Variants in CNTNAP5 observed in about 807,000 individuals in gnomAD.
The protein encoded by CNTNAP5 is contactin-associated protein-like 5.
A neutral mutation model predicts 150.2 loss-of-function variants in CNTNAP5; 72 were observed. The ratio of observed to expected loss-of-function variants is 0.48; its 90% CI spans 0.40 to 0.58. The LOEUF (loss-of-function observed/expected upper bound fraction) is 0.58, where lower values mean the gene tolerates loss of function less well. CNTNAP5 is among the 20% of genes least tolerant of loss of function. CNTNAP5 has a pLI of 0.00. For synonymous variants in CNTNAP5, 672 were observed against 619.8 expected, an observed-to-expected ratio of 1.08 and a Z score of -1.25; for missense variants, 1,636 against 1,626.2, an observed-to-expected ratio of 1.01 and a Z score of -0.10.
At chr2:124,476,611 C>T (rs1239755496) in intron 7 of CNTNAP5, among the ~76,000 whole-genome samples, 1 of 152,096 alleles carries the variant, frequency 6.6e-6, no homozygotes, top group Admixed American at 6.6e-5. Context: ...CAGTTGATAC[C>T]ATAGGGAGAG....
chr2:124,855,332 C>G (rs1677348816), intron 19 of CNTNAP5, among the ~76,000 whole-genome samples: 1 of 151,992 alleles, frequency 6.6e-6, no homozygotes, highest in Non-Finnish European at 1.5e-5. Flanking sequence ...CATGTGCCAC[C>G]ACGCTCGGCT....
intron 11 of CNTNAP5, among the ~76,000 whole-genome samples, chr2:124,574,404 C>G (rs1279616736): frequency 6.6e-6 from 1 of 152,174 alleles, no homozygotes; most frequent in Non-Finnish European, 1.5e-5. Context: ...TCAATAGTTT[C>G]TATTTCTTAT....
At chr2:124,119,560 C>T (rs1199177992) in intron 1 of CNTNAP5, among the ~76,000 whole-genome samples, 4 of 152,020 alleles carry the variant, frequency 2.6e-5, no homozygotes. Flanking sequence ...TTGAGCAAAA[C>T]GAGCTCACCA....
intron 19 of CNTNAP5, among the ~76,000 whole-genome samples, chr2:124,850,814 A>T (rs1239652227): frequency 3.3e-5 from 5 of 152,222 alleles, no homozygotes; most frequent in African/African-American, 1.2e-4. Flanking sequence ...CATTTTAGAA[A>T]GAAAAGAATG....
At chr2:124,883,444 T>G (rs1200347691) in intron 21 of CNTNAP5, among the ~76,000 whole-genome samples, 1 of 152,002 alleles carries the variant, frequency 6.6e-6, no homozygotes, top group African/African-American at 2.4e-5. Flanking sequence ...GATAGGGGCT[T>G]TGGTCATGTG....
At chr2:124,334,799 T>C (rs1188813452) in intron 3 of CNTNAP5, among the ~76,000 whole-genome samples, 1 of 152,152 alleles carries the variant, frequency 6.6e-6, no homozygotes, top group Admixed American at 6.5e-5. Context: ...ATTGTGTAAT[T>C]GCATAATATG....
intron 19 of CNTNAP5, among the ~76,000 whole-genome samples, chr2:124,824,987 G>A (rs367930856): frequency 3.3e-5 from 5 of 152,022 alleles, no homozygotes; most frequent in Middle Eastern, 3.2e-3. Context: ...TCCTAAAAAC[G>A]GTAGACTTCT....
intron 1 of CNTNAP5, among the ~76,000 whole-genome samples, chr2:124,092,051 C>T (rs1186772477): frequency 6.6e-6 from 1 of 152,112 alleles, no homozygotes; most frequent in East Asian, 1.9e-4. Flanking sequence ...TTCTGGTGGC[C>T]CCTATCTTTT....
chr2:124,105,715 G>A (rs1236795200), intron 1 of CNTNAP5, among the ~76,000 whole-genome samples: 3 of 151,980 alleles, frequency 2.0e-5, no homozygotes, highest in East Asian at 1.9e-4. Context: ...TATTGTGGTA[G>A]TTTTGTTTTT....
chr2:124,475,621 A>G (rs1693621157), intron 7 of CNTNAP5, among the ~76,000 whole-genome samples: 1 of 151,446 alleles, frequency 6.6e-6, no homozygotes, highest in East Asian at 1.9e-4. Flanking sequence ...TGGTGGATTC[A>G]CTCTTTTATC....
intron 1 of CNTNAP5, among the ~76,000 whole-genome samples, chr2:124,105,353 T>C (rs1404109596): frequency 6.6e-6 from 1 of 152,206 alleles, no homozygotes; most frequent in African/African-American, 2.4e-5. Context: ...GTATAAGAAA[T>C]TTCTAGAAGT....
intron 1 of CNTNAP5, among the ~76,000 whole-genome samples, chr2:124,190,438 A>T (rs1178098897): frequency 6.6e-6 from 1 of 152,180 alleles, no homozygotes; most frequent in African/African-American, 2.4e-5. Context: ...TGAGGACTCA[A>T]CTGGCAGATT....
At chr2:124,227,633 C>CGTGTGTGTGTGTGTGTGT (rs760848365) in intron 2 of CNTNAP5, among the ~76,000 whole-genome samples, 1 of 122,020 alleles carries the variant, frequency 8.2e-6, no homozygotes, top group Non-Finnish European at 1.7e-5. Context: ...CTCAGCACAT[C>CGTGTGTGTGTGTGTGTGT]GTGTGTATGT....
intron 3 of CNTNAP5, among the ~76,000 whole-genome samples, chr2:124,398,676 T>TC (rs748500678): frequency 6.6e-6 from 1 of 152,076 alleles, no homozygotes; most frequent in African/African-American, 2.4e-5. Flanking sequence ...TTGTATTTTT[T>TC]CTCCATGTTG....
At chr2:124,909,085 T>C (rs2104766424) in intron 22 of CNTNAP5, among the ~76,000 whole-genome samples, 1 of 152,150 alleles carries the variant, frequency 6.6e-6, no homozygotes, top group Admixed American at 6.6e-5. Context: ...AAGAGTAAAG[T>C]GTTTATAAAG....
At chr2:124,201,417 C>T (rs1019078895) in intron 1 of CNTNAP5, among the ~76,000 whole-genome samples, 2 of 152,154 alleles carry the variant, frequency 1.3e-5, no homozygotes, top group East Asian at 3.9e-4. Flanking sequence ...AAGCCATATC[C>T]GTTATGTATG....
At chr2:124,894,998 C>T (rs1246422486) in intron 21 of CNTNAP5, among the ~76,000 whole-genome samples, 1 of 151,434 alleles carries the variant, frequency 6.6e-6, no homozygotes, top group African/African-American at 2.5e-5. Context: ...TACATCCATC[C>T]AGGGGCCTTT....
rs370682105 is a variant in CNTNAP5, at chr2:124,770,580, T to C, written c.2534-2219T>C. Among the ~76,000 whole-genome samples the C allele has an allele frequency of 2.6e-5, 4 of 152,304 alleles. No individual in the cohort carries two copies. The East Asian group carries it at 5.8e-4, about 22-fold the overall frequency. ...GGTCCAGTCATCTCTCAGTTAAGTGTTTTTAAATTTGGGGATGTGCAGGGC... is the reference window on the plus strand; with the variant it reads ...GGTCCAGTCATCTCTCAGTTAAGTGCTTTTAAATTTGGGGATGTGCAGGGC... On this transcript the variant is annotated intron_variant, in intron 16 of 23. Coordinates refer to ENST00000682447, the MANE Select transcript of CNTNAP5 (RefSeq NM_001367498.1).
chr2:124,668,043 A>G (rs542630545), intron 13 of CNTNAP5, among the ~76,000 whole-genome samples: 110 of 152,350 alleles, frequency 7.2e-4, no homozygotes, highest in Admixed American at 1.1e-3. Flanking sequence ...TGGAAAAGTC[A>G]TTACAGGAAA....
Sources: gnomAD v4.1 joint callset for allele counts (sites outside exome capture counted in the v4.1 genomes callset) on GRCh38, gnomAD v4.1.1 for gene constraint, MANE v1.5 for transcripts, NCBI Gene and HGNC (gene_info 2026-07-23, HGNC 2026-07-21) for gene names.